The following KLF12 variants were observed in gnomAD, a reference collection of about 807,000 sequenced individuals.
KLF12 encodes KLF transcription factor 12, also known as Krueppel-like factor 12.
KLF12 carries 9 observed loss-of-function variants against 37.8 expected under a neutral mutation model. That is an observed-to-expected ratio of 0.24 (90% confidence interval 0.14 to 0.42). The LOEUF is 0.42. Ranked by LOEUF, KLF12 falls within the 10% of genes least tolerant of loss-of-function variation. The pLI is 1.00. For synonymous variants in KLF12, 208 were observed against 202.1 expected, an observed-to-expected ratio of 1.03 and a Z score of -0.25; for missense variants, 411 against 516.0, an observed-to-expected ratio of 0.80 and a Z score of 1.97.
the KLF12 span, among the ~76,000 whole-genome samples, chr13:74,171,762 CA>C: frequency 6.6e-6 from 1 of 152,096 alleles, no homozygotes; most frequent in Admixed American, 6.6e-5. Flanking sequence ...AAGACTCCCA[CA>C]AAATACAAAA....
chr13:73,806,390 C>T (rs1179248689), intron 5 of KLF12, among the ~76,000 whole-genome samples: 4 of 152,176 alleles, frequency 2.6e-5, no homozygotes, highest in South Asian at 4.1e-4. Context: ...CGTGAGCCAC[C>T]GTGCCCAACT....
Position 74,049,305 on chromosome 13 carries a change from A to G in KLF12, c.-31-54252T>C, listed in dbSNP as rs189394711. 2.0e-5 allele frequency among the ~76,000 whole-genome samples: 3 copies of G among 152,312 alleles called. No homozygotes were observed. The East Asian group carries it at 5.8e-4, about 29-fold the overall frequency. ...CAAACTGCTGGCAGCCTGGTCTACA[A>G]TGGTAGGCAGAAGCTTGAAAGGTTT... On this transcript the variant is annotated intron_variant, in intron 1 of 7. Transcript: ENST00000377669.
At chr13:74,096,332 G>A (rs1875985015) in intron 1 of KLF12, among the ~76,000 whole-genome samples, 1 of 152,070 alleles carries the variant, frequency 6.6e-6, no homozygotes, top group Admixed American at 6.6e-5. Context: ...TATTCAGCAT[G>A]GTGCCCAGAA....
rs763786565 is a variant in KLF12 at position 73,809,380 on chromosome 13, GAAGA to G, written c.806+3768_806+3771del. Among the ~76,000 whole-genome samples, 19 of 152,096 alleles carry G rather than the reference GAAGA, an allele frequency of 1.2e-4. No homozygotes were observed. In the East Asian group the frequency reaches 3.3e-3, roughly 26 times the overall value. ...AGATACGGAAAGACAAACAGAAAAAGAAGAAAGAGAAATTAATGGTGAAATAGTC... is the reference window on the plus strand; with the variant it reads ...AGATACGGAAAGACAAACAGAAAAAGAAGAGAAATTAATGGTGAAATAGTC... On this transcript the variant is annotated intron_variant, in intron 5 of 7. Transcript: ENST00000377669.
chr13:73,770,948 A>G (rs963212661), intron 5 of KLF12, among the ~76,000 whole-genome samples: 8 of 152,202 alleles, frequency 5.3e-5, no homozygotes, highest in African/African-American at 1.9e-4. Flanking sequence ...TCTGATATAC[A>G]CCAACAGAAT....
At chr13:74,070,692 T>C (rs1456591662) in intron 1 of KLF12, among the ~76,000 whole-genome samples, 1 of 152,128 alleles carries the variant, frequency 6.6e-6, no homozygotes, top group Non-Finnish European at 1.5e-5. Flanking sequence ...GTGAAGCAGA[T>C]ACTAATCTAT....
intron 1 of KLF12, among the ~76,000 whole-genome samples, chr13:74,102,509 C>G (rs1876414048): frequency 6.6e-6 from 1 of 151,852 alleles, no homozygotes; most frequent in Admixed American, 6.6e-5. Context: ...ACCAGCCTGG[C>G]CAACCTGGAG....
intron 6 of KLF12, among the ~76,000 whole-genome samples, chr13:73,719,790 C>T (rs570686390): frequency 2.0e-5 from 3 of 152,018 alleles, no homozygotes; most frequent in Non-Finnish European, 2.9e-5. Context: ...TTTGTGGAGA[C>T]GGGGTTTTGT....
intron 6 of KLF12, among the ~76,000 whole-genome samples, chr13:73,754,120 A>T (rs1878979227): frequency 6.6e-6 from 1 of 152,084 alleles, no homozygotes; most frequent in African/African-American, 2.4e-5. Flanking sequence ...ATAGAATACG[A>T]TGTGAATAGT....
At chr13:73,951,790 C>T (rs1890657372) in intron 2 of KLF12, among the ~76,000 whole-genome samples, 1 of 152,224 alleles carries the variant, frequency 6.6e-6, no homozygotes, top group South Asian at 2.1e-4. Context: ...CCCTCCAGGA[C>T]TATGTGCATT....
At position 73,764,319 on chromosome 13, in the gene KLF12, G is replaced by A. The variant is rs367565633; in HGVS notation, c.869+619C>T. 4.2e-4 allele frequency among the ~76,000 whole-genome samples: 64 copies of A among 151,530 alleles called. 2 individuals are homozygous for A. In the South Asian group the frequency reaches 9.8e-3, roughly 23 times the overall value. On this transcript the variant is annotated intron_variant, in intron 6 of 7. Transcript: ENST00000377669. ...TTGAGCCCACTTTTTTTGTTGTTTCGCATGAAATATTTGTGAAACACTTTA... is the reference window on the plus strand; with the variant it reads ...TTGAGCCCACTTTTTTTGTTGTTTCACATGAAATATTTGTGAAACACTTTA...
chr13:74,255,025 A>G, the KLF12 span, among the ~76,000 whole-genome samples: 1 of 152,160 alleles, frequency 6.6e-6, no homozygotes, highest in African/African-American at 2.4e-5. Flanking sequence ...TGGAGAAAAG[A>G]TTGGTGCCTG....
chr13:74,033,233 A>G (rs1893160803), intron 1 of KLF12, among the ~76,000 whole-genome samples: 1 of 152,212 alleles, frequency 6.6e-6, no homozygotes, highest in Non-Finnish European at 1.5e-5. Context: ...ATAAATAAGA[A>G]AGTTGAGATC....
the KLF12 span, among the ~76,000 whole-genome samples, chr13:74,181,304 T>A: frequency 7.5e-6 from 1 of 133,594 alleles, no homozygotes; most frequent in Admixed American, 7.8e-5. Context: ...TGCTGAAAAA[T>A]ACCTTAAAAA....
At chr13:73,864,774 T>C (rs550365520) in intron 3 of KLF12, among the ~76,000 whole-genome samples, 2 of 151,972 alleles carry the variant, frequency 1.3e-5, no homozygotes, top group Non-Finnish European at 2.9e-5. Flanking sequence ...ATCACTGACA[T>C]GAGAAGATCA....
the KLF12 span, chr13:74,260,052 C>G: frequency 5.0e-4 from 76 of 152,230 alleles, no homozygotes; most frequent in African/African-American, 1.6e-3. Flanking sequence ...GAGGCTGTTT[C>G]TTTTGTGTCC....
At chr13:73,871,677 C>T (rs1179459773) in intron 3 of KLF12, among the ~76,000 whole-genome samples, 1 of 152,166 alleles carries the variant, frequency 6.6e-6, no homozygotes, top group East Asian at 1.9e-4. Context: ...TTCCTTCACA[C>T]CCAACTATTT....
the KLF12 span, among the ~76,000 whole-genome samples, chr13:74,242,067 A>G: frequency 6.6e-6 from 1 of 152,236 alleles, no homozygotes; most frequent in Non-Finnish European, 1.5e-5. Context: ...CTGTATTTGC[A>G]TGATCATTAC....
intron 5 of KLF12, among the ~76,000 whole-genome samples, chr13:73,803,098 A>G (rs1267785526): frequency 2.6e-5 from 4 of 152,226 alleles, no homozygotes; most frequent in Non-Finnish European, 4.4e-5. Context: ...TGGTTAGACA[A>G]GTATTTACAG....
Sources: allele counts gnomAD v4.1 joint callset (sites outside exome capture counted in the v4.1 genomes callset), GRCh38; gene constraint gnomAD v4.1.1; transcripts MANE v1.5; gene names NCBI Gene and HGNC (gene_info 2026-07-23, HGNC 2026-07-21).